RNLS: variants seen among roughly 807,000 people sequenced by gnomAD.
The protein encoded by RNLS is renalase.
In RNLS, 39 loss-of-function variants were observed where a neutral mutation model predicts 39.8. The ratio of observed to expected loss-of-function variants is 0.98; its 90% CI spans 0.76 to 1.28. RNLS has a LOEUF of 1.28. Ranked by LOEUF, RNLS falls within the 50% of genes most tolerant of loss-of-function variation. RNLS has a pLI of 0.00. For missense variants in RNLS, 410 were observed against 413.3 expected, an observed-to-expected ratio of 0.99 and a Z score of 0.07; for synonymous variants, 147 against 150.7, an observed-to-expected ratio of 0.98 and a Z score of 0.18.
chr10:88,183,904 G>C, the RNLS span, among the ~76,000 whole-genome samples: 42 of 152,270 alleles, frequency 2.8e-4, no homozygotes, highest in African/African-American at 9.6e-4. Context: ...GGATCAACTA[G>C]AGAGAAGTCA....
intron 4 of RNLS, among the ~76,000 whole-genome samples, chr10:88,505,187 T>G (rs919990150): frequency 6.6e-6 from 1 of 151,794 alleles, no homozygotes; most frequent in African/African-American, 2.4e-5. Context: ...AGGTAAGATT[T>G]GAATACCTTT....
At chr10:88,504,841 C>CTG (rs1564854509) in intron 4 of RNLS, among the ~76,000 whole-genome samples, 2 of 136,986 alleles carry the variant, frequency 1.5e-5, no homozygotes, top group East Asian at 2.1e-4. Flanking sequence ...GAGAGAGAGA[C>CTG]AGAGTGTGTG....
chr10:88,582,751 T>A (rs562312079), intron 1 of RNLS, among the ~76,000 whole-genome samples: 1 of 152,216 alleles, frequency 6.6e-6, no homozygotes, highest in African/African-American at 2.4e-5. Context: ...GGGACAGCAG[T>A]AGGCCCAAGC....
At chr10:88,213,204 T>C in the RNLS span, among the ~76,000 whole-genome samples, 1 of 152,122 alleles carries the variant, frequency 6.6e-6, no homozygotes, top group Admixed American at 6.6e-5. Context: ...TAAATTGCCA[T>C]ATAAGATTAA....
downstream of RNLS, among the ~76,000 whole-genome samples, chr10:88,281,692 G>T (rs1393939422): frequency 6.6e-6 from 1 of 152,070 alleles, no homozygotes; most frequent in Non-Finnish European, 1.5e-5. Context: ...ATCAACATAA[G>T]GGTTGTCCAA....
Position 88,515,212 on chromosome 10 carries a change from G to T in RNLS, c.526+57691C>A, listed in dbSNP as rs1418466542. Among the ~76,000 whole-genome samples, 3 of 151,796 alleles carry T rather than the reference G, an allele frequency of 2.0e-5. No homozygotes were observed. In the East Asian group the frequency reaches 5.8e-4, roughly 29 times the overall value. ...TTTCCAAGTTTGTCATTTCTATCTT[G>T]ATTTTAATATGACTTATTTTTCCAA... On this transcript the variant is annotated intron_variant, in intron 4 of 6. Transcript: ENST00000331772.
chr10:88,192,393 C>T, the RNLS span, among the ~76,000 whole-genome samples: 1 of 152,120 alleles, frequency 6.6e-6, no homozygotes, highest in Admixed American at 6.5e-5. Context: ...AGATACACTA[C>T]TTAAAAAAAT....
intron 4 of RNLS, among the ~76,000 whole-genome samples, chr10:88,442,315 G>A (rs1052704995): frequency 1.3e-5 from 2 of 152,072 alleles, no homozygotes; most frequent in Non-Finnish European, 2.9e-5. Context: ...ACTTAGAAAG[G>A]GTGTCTCTAT....
chr10:88,374,738 A>G (rs922211503), intron 4 of RNLS, among the ~76,000 whole-genome samples: 4 of 152,168 alleles, frequency 2.6e-5, no homozygotes, highest in Non-Finnish European at 4.4e-5. Context: ...ATGGACATTT[A>G]GCATACAATT....
intron 3 of RNLS, among the ~76,000 whole-genome samples, chr10:88,574,168 G>T (rs1850020822): frequency 6.6e-6 from 1 of 152,102 alleles, no homozygotes; most frequent in Admixed American, 6.6e-5. Flanking sequence ...CTGAAAGAAA[G>T]TACAATTGGG....
the RNLS span, among the ~76,000 whole-genome samples, chr10:88,184,927 A>G: frequency 6.6e-6 from 1 of 152,096 alleles, no homozygotes; most frequent in Admixed American, 6.6e-5. Context: ...AAAGCATCAG[A>G]ATGTTTTCAG....
At chr10:88,580,234 A>T (rs1364428491) in intron 3 of RNLS, among the ~76,000 whole-genome samples, 1 of 152,302 alleles carries the variant, frequency 6.6e-6, no homozygotes, top group South Asian at 2.1e-4. Context: ...GCATGCACAC[A>T]TACATACACA....
At chr10:88,340,655 G>A (rs1252451077) in intron 5 of RNLS, among the ~76,000 whole-genome samples, 3 of 151,938 alleles carry the variant, frequency 2.0e-5, no homozygotes, top group Admixed American at 6.6e-5. Flanking sequence ...CCAGAAATTT[G>A]TAGAAATAAA....
intron 6 of RNLS, among the ~76,000 whole-genome samples, chr10:88,277,273 A>G (rs1313938207): frequency 6.6e-6 from 1 of 152,140 alleles, no homozygotes; most frequent in Non-Finnish European, 1.5e-5. Flanking sequence ...GGAATTGAAC[A>G]ATAAGAACAC....
At chr10:88,443,413 G>A (rs1195948851) in intron 4 of RNLS, among the ~76,000 whole-genome samples, 3 of 152,176 alleles carry the variant, frequency 2.0e-5, no homozygotes, top group Non-Finnish European at 4.4e-5. Context: ...GGTGATTTCT[G>A]CATTTCCAAC....
chr10:88,417,915 C>A (rs753266443), intron 4 of RNLS, among the ~76,000 whole-genome samples: 1 of 152,118 alleles, frequency 6.6e-6, no homozygotes, highest in Non-Finnish European at 1.5e-5. Context: ...ACATTCCTGC[C>A]TCACTCTATG....
Position 88,583,224 on chromosome 10 carries a change from T to A in RNLS, c.-34A>T. 1 of 1,611,354 alleles carries A rather than the reference T, an allele frequency of 6.2e-7. No homozygotes were observed. The highest frequency in any genetic ancestry group is 8.5e-7 in the Non-Finnish European group (1 of 1,179,152). On this transcript the variant is annotated 5_prime_UTR_variant, in exon 1 of 7. Transcript: ENST00000331772. ...GGAGCAGCGATCCGCGCTGAGTCTCTGCGGCGGGGCCGTTCGGCCCGGGCT... is the reference window on the plus strand; with the variant it reads ...GGAGCAGCGATCCGCGCTGAGTCTCAGCGGCGGGGCCGTTCGGCCCGGGCT...
intron 1 of RNLS, 51 bp downstream of exon 1, chr10:88,583,022 A>G: frequency 6.3e-7 from 1 of 1,587,434 alleles, no homozygotes; most frequent in Non-Finnish European, 8.6e-7. Context: ...CCACCTCAGC[A>G]GCCTGCCCGG....
intron 4 of RNLS, among the ~76,000 whole-genome samples, chr10:88,522,894 A>G (rs1405413032): frequency 6.6e-6 from 1 of 152,144 alleles, no homozygotes; most frequent in Admixed American, 6.6e-5. Context: ...CTTCCAGAGC[A>G]AAGGCAGCAA....
Sources: gnomAD v4.1 joint callset for allele counts (sites outside exome capture counted in the v4.1 genomes callset) on GRCh38, gnomAD v4.1.1 for gene constraint, MANE v1.5 for transcripts, NCBI Gene and HGNC (gene_info 2026-07-23, HGNC 2026-07-21) for gene names.